BCKDHA: variants seen among roughly 807,000 people sequenced by gnomAD.
BCKDHA encodes branched chain keto acid dehydrogenase E1 subunit alpha.
A neutral mutation model predicts 52.2 loss-of-function variants in BCKDHA; 43 were observed. The ratio of observed to expected loss-of-function variants is 0.82; its 90% CI spans 0.64 to 1.06. The LOEUF (loss-of-function observed/expected upper bound fraction) is 1.06. Among genes scored for constraint, BCKDHA ranks in the 50% least tolerant of loss-of-function variants. BCKDHA has a pLI of 0.00. For missense variants in BCKDHA, 527 were observed against 621.3 expected (o/e 0.85, Z 1.61); for synonymous variants, 234 against 247.9 (o/e 0.94, Z 0.53).
chr19:41,404,798 T>A lies in BCKDHA; in HGVS notation c.109-5839T>A, dbSNP rs575004987. Among the ~76,000 whole-genome samples the A allele has an allele frequency of 1.2e-4, 19 of 152,246 alleles. No individual in the cohort carries two copies. In the South Asian group the frequency reaches 3.9e-3, roughly 32 times the overall value. ...TAGTAGAGATGGGGTTTCACCATCG[T>A]GATCAGCCTGACAGGCTGGTCATGA... On this transcript the variant is annotated intron_variant, in intron 1 of 8. Coordinates refer to ENST00000269980, the MANE Select transcript of BCKDHA (RefSeq NM_000709.4).
Position 41,422,233 on chromosome 19 carries a change from G to A in BCKDHA, c.716G>A (p.Gly239Glu). 6.2e-7 allele frequency: 1 copy of A among 1,614,170 alleles called. No individual in the cohort carries two copies. The highest frequency in any genetic ancestry group is 8.5e-7 in the Non-Finnish European group (1 of 1,180,000). Residue 239 changes from glycine (G) to glutamate (E), a missense_variant, in exon 6 of 9, where the codon GGG becomes GAG. Coordinates refer to ENST00000269980, the MANE Select transcript of BCKDHA (RefSeq NM_000709.4). ...NRVVICYFGE[G>E]AASEGDAHAG... ...GTCGTCATCTGTTACTTCGGCGAGG[G>A]GGCAGCCAGTGAGGGGGACGCCCAT...
intron 1 of BCKDHA, among the ~76,000 whole-genome samples, chr19:41,401,861 G>A (rs1243202165): frequency 6.6e-6 from 1 of 152,214 alleles, no homozygotes. Flanking sequence ...GGGGCAGCCT[G>A]TCTGGGGGTT....
At chr19:41,421,499 C>T (rs908122485) in intron 5 of BCKDHA, among the ~76,000 whole-genome samples, 22 of 151,658 alleles carry the variant, frequency 1.5e-4, no homozygotes, top group Non-Finnish European at 2.2e-4. Context: ...GTGAGCCTGG[C>T]GTGTTTGAGG....
At chr19:41,405,044 C>T (rs1490984828) in intron 1 of BCKDHA, among the ~76,000 whole-genome samples, 3 of 152,158 alleles carry the variant, frequency 2.0e-5, no homozygotes, top group Non-Finnish European at 4.4e-5. Flanking sequence ...TTCATCCCTC[C>T]CTGTCTCTAG....
At position 41,422,663 on chromosome 19, in the gene BCKDHA, C is replaced by T. The variant is rs1237555239; in HGVS notation, c.888C>T (p.Ile296=). The T allele has an allele frequency of 2.5e-6, 4 of 1,614,154 alleles. No individual in the cohort carries two copies. Among genetic ancestry groups the T allele is most frequent in the Admixed American group, 1.7e-5 (1 of 60,018 alleles). Residue 296 remains isoleucine (I), a synonymous_variant, in exon 7 of 9, where the codon ATC becomes ATT. Coordinates refer to ENST00000269980, the MANE Select transcript of BCKDHA (RefSeq NM_000709.4). ...GCCCCGGGTATGGCATCATGTCAAT[C>T]CGCGTGGATGGTAATGATGTGTTTG... ...ARGPGYGIMS[I]RVDGNDVFAV...
At position 41,424,780 on chromosome 19, in the gene BCKDHA, C is replaced by T; in HGVS notation, c.*172C>T. 1.4e-6 allele frequency: 1 copy of T among 697,206 alleles called. No homozygotes were observed. The highest frequency in any genetic ancestry group is 2.3e-6 in the Non-Finnish European group (1 of 434,166). The allele number at this position is 697,206 out of a possible 1,614,324, so 43.2% of individuals were successfully genotyped here. On this transcript the variant is annotated 3_prime_UTR_variant, in exon 9 of 9. Coordinates refer to ENST00000269980, the MANE Select transcript of BCKDHA (RefSeq NM_000709.4). ...TCACCCCTGCTCCTCCCGGCTGTTA[C>T]ATTGTCAGGGGACAGCATCTGCAGC...
At chr19:41,423,215 C>T (rs1193688550) in intron 8 of BCKDHA, 46 bp downstream of exon 8, 2 of 1,546,642 alleles carry the variant, frequency 1.3e-6, no homozygotes, top group Non-Finnish European at 8.7e-7. Context: ...CTGCTGCGGC[C>T]TGCAGAGCTT....
intron 1 of BCKDHA, among the ~76,000 whole-genome samples, chr19:41,409,714 T>G (rs920984762): frequency 3.9e-5 from 6 of 152,148 alleles, no homozygotes; most frequent in African/African-American, 1.4e-4. Flanking sequence ...GCCTCTCATT[T>G]CCATGAGGGG....
At chr19:41,406,949 A>T (rs1157501057) in intron 1 of BCKDHA, among the ~76,000 whole-genome samples, 1 of 151,970 alleles carries the variant, frequency 6.6e-6, no homozygotes, top group Non-Finnish European at 1.5e-5. Context: ...GCTGATCTCG[A>T]ACCACTGGCC....
chr19:41,398,550 AG>A (rs1349811300), intron 1 of BCKDHA, among the ~76,000 whole-genome samples: 1 of 152,178 alleles, frequency 6.6e-6, no homozygotes, highest in Admixed American at 6.5e-5. Flanking sequence ...TGAATTAATG[AG>A]GGGAAAAAAG....
At chr19:41,422,607 T>G (rs1378554942) in intron 6 of BCKDHA, 22 bp from the exon 7 acceptor site, 1 of 1,613,702 alleles carries the variant, frequency 6.2e-7, no homozygotes, top group South Asian at 1.1e-5. Context: ...TGGCCTGACC[T>G]GCCTTCTCTG....
At chr19:41,408,640 C>T (rs1226626428) in intron 1 of BCKDHA, among the ~76,000 whole-genome samples, 1 of 151,892 alleles carries the variant, frequency 6.6e-6, no homozygotes, top group Non-Finnish European at 1.5e-5. Flanking sequence ...TTGTTTGAGA[C>T]AGCATGTTGC....
rs796051938 is a variant in BCKDHA, at chr19:41,422,175, GCGTA to G, written c.661_664del (p.Tyr221GlnfsTer108). 1 of 1,613,728 alleles carries G rather than the reference GCGTA, an allele frequency of 6.2e-7. No individual in the cohort carries two copies. Among genetic ancestry groups the G allele is most frequent in the Admixed American group, 1.7e-5 (1 of 59,990 alleles). On this transcript the variant is annotated frameshift_variant, in exon 6 of 9. Transcript: ENST00000269980. LOFTEE classifies it high-confidence loss of function. ...CTCATCCCCTGCAGCGGTGGGGGCG[GCGTA>G]CGCAGCCAAGCGGGCCAATGCCAAC... is the stretch of plus-strand genomic sequence containing the variant.
intron 1 of BCKDHA, among the ~76,000 whole-genome samples, chr19:41,401,064 TTTTTG>T (rs1200097920): frequency 1.7e-5 from 2 of 119,278 alleles, no homozygotes; most frequent in East Asian, 2.2e-4. Context: ...TGGTGCAGGG[TTTTTG>T]TTTTGTTTTG....
chr19:41,424,376 G>A, intron 8 of BCKDHA, 62 bp from the exon 9 acceptor site: 1 of 1,599,608 alleles, frequency 6.3e-7, no homozygotes, highest in Non-Finnish European at 8.5e-7. Context: ...AGGCCCCGCA[G>A]GAGGAAGCAG....
intron 8 of BCKDHA, 91 bp downstream of exon 8, chr19:41,423,260 C>T: frequency 6.5e-7 from 1 of 1,529,522 alleles, no homozygotes. Context: ...CTGGGAGGCT[C>T]AGGGATAACC....
At chr19:41,416,657 C>T (rs1489283064) in intron 4 of BCKDHA, among the ~76,000 whole-genome samples, 6 of 152,120 alleles carry the variant, frequency 3.9e-5, no homozygotes, top group African/African-American at 1.4e-4. Flanking sequence ...TGGTGGCTCA[C>T]GCCTGTAATC....
At chr19:41,407,549 C>T (rs1009472043) in intron 1 of BCKDHA, among the ~76,000 whole-genome samples, 26 of 152,154 alleles carry the variant, frequency 1.7e-4, no homozygotes, top group Non-Finnish European at 3.7e-4. Context: ...TGCAAGAGGC[C>T]GGCTGTTTCC....
At chr19:41,419,892 T>C (rs1401990914) in intron 5 of BCKDHA, among the ~76,000 whole-genome samples, 1 of 151,964 alleles carries the variant, frequency 6.6e-6, no homozygotes, top group Admixed American at 6.6e-5. Context: ...CTTAGCCTCC[T>C]GAGTAGCTGG....
Sources: gnomAD v4.1 joint callset for allele counts (sites outside exome capture counted in the v4.1 genomes callset) on GRCh38, gnomAD v4.1.1 for gene constraint, MANE v1.5 for transcripts, NCBI Gene and HGNC (gene_info 2026-07-23, HGNC 2026-07-21) for gene names.